The following ADGRF5 variants were observed in gnomAD, a reference collection of about 807,000 sequenced individuals.
ADGRF5 encodes the protein adhesion G protein-coupled receptor F5.
Under a neutral mutation model 132.3 loss-of-function variants are expected in ADGRF5, and 75 were observed. That is an observed-to-expected ratio of 0.57 (90% CI 0.47 to 0.69). The LOEUF (loss-of-function observed/expected upper bound fraction) is 0.69, where lower values mean the gene tolerates loss of function less well. Among genes scored for constraint, ADGRF5 ranks in the 30% least tolerant of loss-of-function variants. The pLI is 0.00. For missense variants in ADGRF5, 1,516 were observed against 1,630.6 expected (o/e 0.93, Z 1.21); for synonymous variants, 629 against 597.6 (o/e 1.05, Z -0.77).
intron 10 of ADGRF5, among the ~76,000 whole-genome samples, chr6:46,874,583 A>G (rs142982775): frequency 9.5e-4 from 145 of 152,330 alleles, no homozygotes; most frequent in African/African-American, 3.2e-3. Context: ...CTTAACAGAC[A>G]TTCAGGATTT....
intron 9 of ADGRF5, 62 bp from the exon 10 acceptor site, chr6:46,878,467 T>A: frequency 1.0e-6 from 1 of 978,284 alleles, no homozygotes; most frequent in Non-Finnish European, 1.6e-6. Context: ...TAGAGGAATG[T>A]ACCGTCAGCT....
At chr6:46,870,780 G>A (rs1224767979) in intron 11 of ADGRF5, 2 of 419,284 alleles carry the variant, frequency 4.8e-6, no homozygotes, top group Non-Finnish European at 9.6e-6. Flanking sequence ...GTGGATAGAG[G>A]TAAAGTTATG....
At chr6:46,880,986 G>T (rs1466637097) in intron 8 of ADGRF5, among the ~76,000 whole-genome samples, 1 of 151,920 alleles carries the variant, frequency 6.6e-6, no homozygotes, top group Non-Finnish European at 1.5e-5. Flanking sequence ...TGTGGCCCCA[G>T]CTACCCTAGA....
intron 10 of ADGRF5, among the ~76,000 whole-genome samples, chr6:46,877,289 T>TTCTTTCTTTCTTTC (rs1395354122): frequency 4.4e-5 from 3 of 68,118 alleles, no homozygotes; most frequent in African/African-American, 1.6e-4. Flanking sequence ...CTTTCTTTCT[T>TTCTTTCTTTCTTTC]TCTCTCTCTC....
At chr6:46,941,396 GAAAAGAAAAGA>G (rs1213025546) in intron 1 of ADGRF5, among the ~76,000 whole-genome samples, 2 of 17,858 alleles carry the variant, frequency 1.1e-4, no homozygotes, top group African/African-American at 5.2e-4. Flanking sequence ...ACAAAGAAAA[GAAAAGAAAAGA>G]AAAGAAAAGA....
chr6:46,852,803 C>T lies in ADGRF5; in HGVS notation c.*1189G>A, dbSNP rs928278042. 1 of 151,804 alleles carries T rather than the reference C, an allele frequency of 6.6e-6. No individual in the cohort carries two copies. The highest frequency in any genetic ancestry group is 2.4e-5 in the African/African-American group (1 of 41,022). 9.4% of individuals were successfully genotyped at this position (151,804 alleles called of 1,614,324 possible). ...TGGAATAAACACAATTTAGACCATG[C>T]AAAACTCTTAATGTATATTGGTCTG... On this transcript the variant is annotated 3_prime_UTR_variant, in exon 21 of 21. Transcript: ENST00000283296.
At chr6:46,906,065 G>T (rs1469378997) in intron 2 of ADGRF5, among the ~76,000 whole-genome samples, 2 of 152,100 alleles carry the variant, frequency 1.3e-5, no homozygotes, top group Non-Finnish European at 2.9e-5. Context: ...ATTCCCATAA[G>T]GAATAAGGGG....
intron 10 of ADGRF5, among the ~76,000 whole-genome samples, chr6:46,872,456 C>G (rs1157429942): frequency 2.6e-5 from 4 of 152,128 alleles, no homozygotes; most frequent in African/African-American, 9.7e-5. Flanking sequence ...TATGATTTAA[C>G]TGGAAGAACA....
intron 1 of ADGRF5, among the ~76,000 whole-genome samples, chr6:46,948,056 A>G (rs1582088222): frequency 6.6e-6 from 1 of 152,214 alleles, no homozygotes; most frequent in East Asian, 1.9e-4. Context: ...ACCCCCAGAC[A>G]TAGCCCTGAG....
intron 1 of ADGRF5, among the ~76,000 whole-genome samples, 185 bp from the exon 2 acceptor site, chr6:46,906,971 G>A (rs1775447266): frequency 6.6e-6 from 1 of 152,206 alleles, no homozygotes; most frequent in Non-Finnish European, 1.5e-5. Context: ...TGAAGAAATG[G>A]TCACAGTAGG....
At position 46,883,687 on chromosome 6, in the gene ADGRF5, T is replaced by C. The variant is rs76680661; in HGVS notation, c.506-22A>G. 185 of 1,197,222 alleles carry C rather than the reference T, an allele frequency of 1.5e-4. 1 individual carries two copies. In the African/African-American group the frequency reaches 2.6e-3, roughly 17 times the overall value. The allele number at this position is 1,197,222 out of a possible 1,614,324, so 74.2% of individuals were successfully genotyped here. A position where few individuals can be genotyped will look rare whatever the true frequency, so the allele number is the denominator to read the frequency against. On this transcript the variant is annotated intron_variant, in intron 5 of 20. Coordinates refer to ENST00000283296, the MANE Select transcript of ADGRF5 (RefSeq NM_001098518.2). ...ACATCTGTTGAAAAACACAGGGCAA[T>C]ATTTAAAAATATGTTAATGTCTGAG... is the stretch of plus-strand genomic sequence containing the variant.
intron 10 of ADGRF5, among the ~76,000 whole-genome samples, chr6:46,874,906 G>A (rs1035221253): frequency 1.3e-5 from 2 of 152,178 alleles, no homozygotes; most frequent in Non-Finnish European, 2.9e-5. Flanking sequence ...GATGTTACTG[G>A]CATCTTGTAG....
chr6:46,917,324 C>T (rs1776503589), intron 1 of ADGRF5, among the ~76,000 whole-genome samples: 1 of 152,194 alleles, frequency 6.6e-6, no homozygotes, highest in African/African-American at 2.4e-5. Flanking sequence ...CATTTCTCTC[C>T]TCAGCTACTC....
chr6:46,944,213 C>T lies in ADGRF5; in HGVS notation c.-25+10521G>A, dbSNP rs546141989. Among the ~76,000 whole-genome samples, 17 of 152,278 alleles carry T rather than the reference C, an allele frequency of 1.1e-4. No homozygotes were observed. The East Asian group carries it at 3.1e-3, about 28-fold the overall frequency. On this transcript the variant is annotated intron_variant, in intron 1 of 20. Coordinates refer to the ADGRF5 transcript ENST00000265417. ...GGATAAAACCGTTCAGATCATCAGC[C>T]ATTAGATTCTCATAAGGAGCATGCA...
rs1221628827 is a variant in ADGRF5, at chr6:46,865,100, A to G, written c.1932T>C (p.Phe644=). ...CSKTVDVCCH[F]TNAANNSVWS... ...AGACTGAATTATTAGCAGCATTGGT[A>G]AAGTGACAACACACATCAACAGTTT... The change falls in exon 14 of 21, where the codon TTT becomes TTC. Residue 644 remains phenylalanine (F), a synonymous_variant. Transcript: ENST00000283296. 6.2e-7 allele frequency: 1 copy of G among 1,610,966 alleles called. No individual in the cohort carries two copies. Among genetic ancestry groups the G allele is most frequent in the Non-Finnish European group, 8.5e-7 (1 of 1,177,082 alleles).
chr6:46,954,136 C>T (rs1357829316), intron 1 of ADGRF5, among the ~76,000 whole-genome samples: 2 of 151,938 alleles, frequency 1.3e-5, no homozygotes, highest in Admixed American at 1.3e-4. Flanking sequence ...CCTGGATATT[C>T]GTTGTCACTA....
chr6:46,945,034 A>T (rs1208510059), intron 1 of ADGRF5, among the ~76,000 whole-genome samples: 1 of 152,242 alleles, frequency 6.6e-6, no homozygotes, highest in African/African-American at 2.4e-5. Flanking sequence ...TGGAAAATTT[A>T]TGCAACACCA....
chr6:46,926,571 C>A (rs141865678), upstream of ADGRF5, among the ~76,000 whole-genome samples: 1 of 152,052 alleles, frequency 6.6e-6, no homozygotes, highest in Non-Finnish European at 1.5e-5. Context: ...CCTCGGGGAG[C>A]GCTGACCACC....
chr6:46,945,243 G>T (rs936589917), intron 1 of ADGRF5, among the ~76,000 whole-genome samples: 1 of 152,176 alleles, frequency 6.6e-6, no homozygotes, highest in Non-Finnish European at 1.5e-5. Flanking sequence ...TATAGGAAGT[G>T]TTAAGAATTG....
Sources: allele counts gnomAD v4.1 joint callset (sites outside exome capture counted in the v4.1 genomes callset), GRCh38; gene constraint gnomAD v4.1.1; transcripts MANE v1.5; gene names NCBI Gene and HGNC (gene_info 2026-07-23, HGNC 2026-07-21).